The following RALGPS1 variants were observed in gnomAD, a reference collection of about 807,000 sequenced individuals.
The protein encoded by RALGPS1 is ras-specific guanine nucleotide-releasing factor RalGPS1.
Under a neutral mutation model 78.8 loss-of-function variants are expected in RALGPS1, and 19 were observed. That is an observed-to-expected ratio of 0.24 (90% confidence interval 0.17 to 0.35). The LOEUF (loss-of-function observed/expected upper bound fraction) is 0.35, where lower values mean the gene tolerates loss of function less well. RALGPS1 is among the 10% of genes least tolerant of loss of function. The pLI is 1.00. For missense variants in RALGPS1, 454 were observed against 688.3 expected (o/e 0.66, Z 3.81); for synonymous variants, 228 against 256.3 (o/e 0.89, Z 1.06).
intron 10 of RALGPS1, among the ~76,000 whole-genome samples, chr9:127,172,323 AT>A (rs60607402): frequency 2.7e-5 from 4 of 150,290 alleles, no homozygotes; most frequent in South Asian, 2.1e-4. Flanking sequence ...AGCCCATCTA[AT>A]TTTTTTTTTC....
chr9:126,928,702 A>C lies in RALGPS1; in HGVS notation c.-66+13727A>C, dbSNP rs192034588. Among the ~76,000 whole-genome samples the C allele has an allele frequency of 1.2e-3, 186 of 152,136 alleles. 2 individuals are homozygous for C. The East Asian group carries it at 0.024, about 20-fold the overall frequency. ...CTGCAACCTCCACCTCCCAGCTCCA[A>C]GTGATTCTCCTGCCTCAGCCTTCCA... is the stretch of plus-strand genomic sequence containing the variant. On this transcript the variant is annotated intron_variant, in intron 1 of 18. Coordinates refer to ENST00000259351, the MANE Select transcript of RALGPS1 (RefSeq NM_014636.3).
intron 8 of RALGPS1, among the ~76,000 whole-genome samples, chr9:127,071,621 CAGTTA>C (rs1196185201): frequency 2.0e-5 from 3 of 151,796 alleles, no homozygotes; most frequent in Non-Finnish European, 4.4e-5. Flanking sequence ...ATATAGAAAA[CAGTTA>C]AGGCTATACA....
intron 4 of RALGPS1, among the ~76,000 whole-genome samples, chr9:126,996,587 G>A (rs916559302): frequency 2.0e-4 from 30 of 152,132 alleles, no homozygotes; most frequent in African/African-American, 6.3e-4. Context: ...ATTCACAGCC[G>A]AATTCTACCA....
chr9:127,181,271 G>A (rs188875844), intron 11 of RALGPS1, among the ~76,000 whole-genome samples: 2 of 152,368 alleles, frequency 1.3e-5, no homozygotes, highest in Non-Finnish European at 2.9e-5. Context: ...AGTCATAGCA[G>A]CTAAGCTGCT....
intron 3 of RALGPS1, among the ~76,000 whole-genome samples, chr9:126,975,117 A>G (rs1268258631): frequency 1.3e-5 from 2 of 152,202 alleles, no homozygotes; most frequent in Non-Finnish European, 2.9e-5. Context: ...TTGTATCAAA[A>G]TATCCTTGCT....
chr9:127,151,199 A>G (rs1009241011), intron 8 of RALGPS1, among the ~76,000 whole-genome samples: 1 of 152,050 alleles, frequency 6.6e-6, no homozygotes, highest in East Asian at 1.9e-4. Flanking sequence ...AAAAGAGAGA[A>G]AAAAAGAGTG....
intron 11 of RALGPS1, among the ~76,000 whole-genome samples, chr9:127,179,759 A>G (rs1004944454): frequency 1.3e-5 from 2 of 152,228 alleles, no homozygotes; most frequent in Non-Finnish European, 1.5e-5. Context: ...AGTGGGAGCA[A>G]GACCAATGTG....
At chr9:127,217,261 C>T (rs895868822) in intron 18 of RALGPS1, 3 of 1,179,630 alleles carry the variant, frequency 2.5e-6, no homozygotes, top group Admixed American at 8.8e-5. Flanking sequence ...CCTACTTTCC[C>T]CCTTTTTTAT....
intron 7 of RALGPS1, among the ~76,000 whole-genome samples, chr9:127,054,967 C>A (rs1332045261): frequency 6.7e-6 from 1 of 150,052 alleles, no homozygotes; most frequent in African/African-American, 2.5e-5. Context: ...GACAAAGACC[C>A]CATCTCTGAA....
rs2062713553 is a variant in RALGPS1, at chr9:127,219,283, G to A, written c.*514G>A. 6.1e-6 allele frequency: 1 copy of A among 164,962 alleles called. No homozygotes were observed. The highest frequency in any genetic ancestry group is 1.3e-5 in the Non-Finnish European group (1 of 75,068). The allele number at this position is 164,962 out of a possible 1,614,324, so 10.2% of individuals were successfully genotyped here. ...CGTGTGTGTGTGTGTGTGAGCGAGT[G>A]TGAACTCTTCAAGAAACATGCATTT... On this transcript the variant is annotated 3_prime_UTR_variant, in exon 19 of 19. Coordinates refer to ENST00000259351, the MANE Select transcript of RALGPS1 (RefSeq NM_014636.3). This position sits in a 1 kb window ranked among gnomAD's most constrained non-coding sequence, Gnocchi z 5.0.
intron 4 of RALGPS1, among the ~76,000 whole-genome samples, chr9:127,029,445 T>C (rs920093119): frequency 6.6e-6 from 1 of 152,206 alleles, no homozygotes; most frequent in Admixed American, 6.5e-5. Flanking sequence ...TGTTTTTTTT[T>C]CCTTCCTGTG....
chr9:127,210,554 G>A, intron 14 of RALGPS1: 1 of 642,402 alleles, frequency 1.6e-6, no homozygotes, highest in African/African-American at 1.8e-5. Context: ...CGAGGAGGCT[G>A]GGGAGGAGTT....
At chr9:126,949,263 C>G (rs1387885242) in intron 1 of RALGPS1, among the ~76,000 whole-genome samples, 2 of 152,168 alleles carry the variant, frequency 1.3e-5, no homozygotes, top group Admixed American at 1.3e-4. Context: ...AATAGTGCCG[C>G]AATAAACATA....
intron 5 of RALGPS1, among the ~76,000 whole-genome samples, chr9:127,049,745 A>G (rs775282814): frequency 1.5e-4 from 23 of 151,956 alleles, no homozygotes; most frequent in Non-Finnish European, 2.4e-4. Context: ...ATTCCCAGCA[A>G]CTCTTCTCGA....
At chr9:127,016,226 A>G (rs984699591) in intron 4 of RALGPS1, among the ~76,000 whole-genome samples, 7 of 151,964 alleles carry the variant, frequency 4.6e-5, no homozygotes, top group African/African-American at 1.5e-4. Context: ...CTCGGACTCA[A>G]CCTCTCCATT....
chr9:127,031,125 G>T (rs892069920), intron 4 of RALGPS1, among the ~76,000 whole-genome samples: 1 of 152,212 alleles, frequency 6.6e-6, no homozygotes, highest in Non-Finnish European at 1.5e-5. Context: ...TACCAGGGCC[G>T]TACTGGTCTC....
chr9:127,197,357 G>T (rs1235306934), intron 13 of RALGPS1, among the ~76,000 whole-genome samples: 1 of 152,192 alleles, frequency 6.6e-6, no homozygotes, highest in Non-Finnish European at 1.5e-5. Flanking sequence ...TTGCCTTTCG[G>T]TGTGCCTGTG....
rs2052496047 is a variant in RALGPS1 at position 127,091,697 on chromosome 9, G to C, written c.610+22341G>C. 1 of 1,613,842 alleles carries C rather than the reference G, an allele frequency of 6.2e-7. No homozygotes were observed. The highest frequency in any genetic ancestry group is 8.5e-7 in the Non-Finnish European group (1 of 1,180,034). On this transcript the variant is annotated intron_variant, in intron 8 of 18. Transcript: ENST00000259351. This position sits in a 1 kb window ranked among gnomAD's most constrained non-coding sequence, Gnocchi z 4.3. ...GTGTAGACATCATGATCTCTGTCCAGGGTGGTGAACTGCTTGCCGTTGTGC... is the reference window on the plus strand; with the variant it reads ...GTGTAGACATCATGATCTCTGTCCACGGTGGTGAACTGCTTGCCGTTGTGC...
intron 8 of RALGPS1, among the ~76,000 whole-genome samples, chr9:127,136,624 A>G (rs1299372531): frequency 6.6e-6 from 1 of 152,178 alleles, no homozygotes; most frequent in African/African-American, 2.4e-5. Flanking sequence ...TACAGTGAGC[A>G]GAAGCACGTG....
Sources: allele counts gnomAD v4.1 joint callset (sites outside exome capture counted in the v4.1 genomes callset), GRCh38; gene constraint gnomAD v4.1.1; non-coding constraint Gnocchi (gnomAD v3.1); transcripts MANE v1.5; gene names NCBI Gene and HGNC (gene_info 2026-07-23, HGNC 2026-07-21).